The following PON3 variants were observed in gnomAD, a reference collection of about 807,000 sequenced individuals.
PON3 encodes the protein serum paraoxonase/lactonase 3.
PON3 carries 37 observed loss-of-function variants against 36.3 expected under a neutral mutation model. That is an observed-to-expected ratio of 1.02 (90% confidence interval 0.78 to 1.34). PON3 has a LOEUF of 1.34. PON3 is among the 40% of genes most tolerant of loss of function. PON3 has a pLI of 0.00. For missense variants in PON3, 415 were observed against 426.5 expected (o/e 0.97, Z 0.24); for synonymous variants, 155 against 154.8 (o/e 1.00, Z -0.01).
chr7:95,367,746 T>G (rs541006576), intron 4 of PON3, among the ~76,000 whole-genome samples: 2 of 152,190 alleles, frequency 1.3e-5, no homozygotes, highest in Non-Finnish European at 2.9e-5. Context: ...CCATAGTCAC[T>G]TCACCCTTAT....
At chr7:95,392,563 A>T (rs1056121836) in intron 2 of PON3, among the ~76,000 whole-genome samples, 2 of 152,246 alleles carry the variant, frequency 1.3e-5, no homozygotes, top group Non-Finnish European at 2.9e-5. Flanking sequence ...TTATTTTTAA[A>T]ATCAAATTAA....
intron 6 of PON3, chr7:95,363,544 A>G (rs183734335): frequency 2.9e-4 from 106 of 369,470 alleles, no homozygotes; most frequent in African/African-American, 2.2e-3. Context: ...TTGTACTTTC[A>G]TAAGGGGCAG....
chr7:95,386,565 T>C (rs1002949536), intron 3 of PON3, among the ~76,000 whole-genome samples: 5 of 152,212 alleles, frequency 3.3e-5, no homozygotes, highest in African/African-American at 1.2e-4. Flanking sequence ...AAAGAGGAGC[T>C]GGGACGATTC....
intron 5 of PON3, chr7:95,365,365 A>T (rs1462065542): frequency 2.6e-5 from 4 of 152,266 alleles, no homozygotes; most frequent in Non-Finnish European, 4.4e-5. Flanking sequence ...ATTGAGTCAT[A>T]GGATACCACA....
At chr7:95,390,059 C>T (rs1585734426) in intron 3 of PON3, 95 bp downstream of exon 3, 3 of 1,276,246 alleles carry the variant, frequency 2.4e-6, no homozygotes, top group Admixed American at 3.4e-5. Context: ...GGGATGAGAG[C>T]ATAGGGATCC....
intron 7 of PON3, 135 bp from the exon 8 acceptor site, chr7:95,362,625 T>C (rs1808597611): frequency 2.1e-6 from 3 of 1,412,742 alleles, no homozygotes; most frequent in Non-Finnish European, 3.0e-6. Flanking sequence ...TTCTGTATTT[T>C]AGAAACGCAT....
chr7:95,361,249 A>G (rs148213348), intron 8 of PON3, among the ~76,000 whole-genome samples: 437 of 152,250 alleles, frequency 2.9e-3, no homozygotes, highest in Non-Finnish European at 4.3e-3. Flanking sequence ...AGAAGCTGTG[A>G]CTAATACATT....
chr7:95,375,598 G>A (rs1035110968), intron 3 of PON3, among the ~76,000 whole-genome samples: 2 of 152,158 alleles, frequency 1.3e-5, no homozygotes, highest in African/African-American at 4.8e-5. Context: ...TTGGTAGCTT[G>A]GGGGAAGGTG....
At chr7:95,384,497 C>G (rs1809142158) in intron 3 of PON3, among the ~76,000 whole-genome samples, 1 of 151,854 alleles carries the variant, frequency 6.6e-6, no homozygotes, top group African/African-American at 2.4e-5. Flanking sequence ...ATAACTCAAA[C>G]AAATTTACAA....
At chr7:95,379,941 G>T (rs1286055172) in intron 3 of PON3, among the ~76,000 whole-genome samples, 1 of 152,182 alleles carries the variant, frequency 6.6e-6, no homozygotes, top group African/African-American at 2.4e-5. Flanking sequence ...AGCCTAACTG[G>T]GAGGCACACC....
chr7:95,386,570 C>T (rs1435167672), intron 3 of PON3, among the ~76,000 whole-genome samples: 2 of 152,264 alleles, frequency 1.3e-5, no homozygotes, highest in East Asian at 1.9e-4. Context: ...GGAGCTGGGA[C>T]GATTCCTTCT....
Position 95,372,869 on chromosome 7 carries a change from T to C in PON3, c.202-531A>G, listed in dbSNP as rs533992657. ...TTAACATAAGGATACCAGTCTTATA[T>C]AGTTGACTATTTTTGACCTATTTTG... On this transcript the variant is annotated intron_variant, in intron 3 of 8. Transcript: ENST00000265627. Among the ~76,000 whole-genome samples, 5 of 152,330 alleles carry C rather than the reference T, an allele frequency of 3.3e-5. No homozygotes were observed. The East Asian group carries it at 7.7e-4, about 23-fold the overall frequency.
At chr7:95,395,636 A>C (rs1809412791) in intron 1 of PON3, among the ~76,000 whole-genome samples, 1 of 152,194 alleles carries the variant, frequency 6.6e-6, no homozygotes, top group South Asian at 2.1e-4. Context: ...CCACTCATGA[A>C]TGTGTATTAT....
intron 3 of PON3, among the ~76,000 whole-genome samples, chr7:95,388,892 G>A (rs1809258357): frequency 6.6e-6 from 1 of 152,262 alleles, no homozygotes; most frequent in South Asian, 2.1e-4. Context: ...TGAACAATGA[G>A]AACACATAAA....
At chr7:95,361,423 A>G (rs1259426712) in intron 8 of PON3, among the ~76,000 whole-genome samples, 2 of 152,064 alleles carry the variant, frequency 1.3e-5, no homozygotes, top group Admixed American at 6.6e-5. Flanking sequence ...ATTTTTTTCA[A>G]ATTGTACTTT....
At chr7:95,395,836 AG>A (rs2116431208) in intron 1 of PON3, 1 of 250,690 alleles carries the variant, frequency 4.0e-6, no homozygotes, top group East Asian at 9.5e-5. Context: ...TCCATAACCC[AG>A]TACTTCTGCA....
intron 4 of PON3, among the ~76,000 whole-genome samples, chr7:95,370,869 T>G (rs765798767): frequency 6.6e-5 from 10 of 152,236 alleles, no homozygotes; most frequent in Non-Finnish European, 1.3e-4. Context: ...TTTAGTATAT[T>G]CACAGAATTG....
chr7:95,395,036 C>G (rs550704861), intron 1 of PON3, among the ~76,000 whole-genome samples: 6 of 152,038 alleles, frequency 3.9e-5, no homozygotes, highest in African/African-American at 1.4e-4. Flanking sequence ...TTTAAATGCA[C>G]GAAATAGCCC....
Position 95,372,230 on chromosome 7 carries a change from CACT to C in PON3, c.307_309del (p.Ser103del), listed in dbSNP as rs1314571253. ...TTAAATAATTCTTTGTCAAATCCAC[CACT>C]GATTTCTAGCGCTTGTGCCCTTGGG... On this transcript the variant is annotated inframe_deletion, in exon 4 of 9. Coordinates refer to ENST00000265627, the MANE Select transcript of PON3 (RefSeq NM_000940.3). 1.9e-6 allele frequency: 3 copies of C among 1,613,752 alleles called. No individual in the cohort carries two copies. The highest frequency in any genetic ancestry group is 3.3e-5 in the Admixed American group (2 of 59,988).
Sources: allele counts gnomAD v4.1 joint callset (sites outside exome capture counted in the v4.1 genomes callset), GRCh38; gene constraint gnomAD v4.1.1; transcripts MANE v1.5; gene names NCBI Gene and HGNC (gene_info 2026-07-23, HGNC 2026-07-21).